EGF: variants seen among roughly 807,000 people sequenced by gnomAD.
EGF encodes the protein epidermal growth factor, also known as pro-epidermal growth factor.
A neutral mutation model predicts 143.8 loss-of-function variants in EGF; 95 were observed. The ratio of observed to expected loss-of-function variants is 0.66; its 90% CI spans 0.56 to 0.78. The LOEUF is 0.78. Among genes scored for constraint, EGF ranks in the 30% least tolerant of loss-of-function variants. EGF has a pLI of 0.00. For synonymous variants in EGF, 510 were observed against 510.5 expected (o/e 1.00, Z 0.01); for missense variants, 1,320 against 1,470.9 (o/e 0.90, Z 1.68).
chr4:109,982,482 C>A (rs547765601), intron 15 of EGF, among the ~76,000 whole-genome samples: 2 of 152,140 alleles, frequency 1.3e-5, no homozygotes, highest in African/African-American at 4.8e-5. Context: ...CGTGCACCAT[C>A]ATGCCCAGCT....
In EGF at chr4:109,918,207, C is replaced by A. The variant is rs889335900; in HGVS notation, c.127+4745C>A. Among the ~76,000 whole-genome samples, 8 of 151,128 alleles carry A rather than the reference C, an allele frequency of 5.3e-5. No homozygotes were observed. In the South Asian group the frequency reaches 1.7e-3, roughly 31 times the overall value. ...GTGAAATGGTAGAATAAACGTTTACCTTTTCTTCACTATAAGCTCTGTTCC... is the reference window on the plus strand; with the variant it reads ...GTGAAATGGTAGAATAAACGTTTACATTTTCTTCACTATAAGCTCTGTTCC... On this transcript the variant is annotated intron_variant, in intron 1 of 23. Coordinates refer to ENST00000265171, the MANE Select transcript of EGF (RefSeq NM_001963.6).
rs796545471 is a variant in EGF, at chr4:110,012,367, GTT to G, written c.*925_*926del. The G allele has an allele frequency of 0.034, 4,779 of 142,614 alleles. 267 individuals carry two copies. The highest frequency in any genetic ancestry group is 0.11 in the African/African-American group (4,425 of 38,914). 8.8% of individuals were successfully genotyped at this position (142,614 alleles called of 1,614,324 possible). On this transcript the variant is annotated 3_prime_UTR_variant, in exon 24 of 24. Transcript: ENST00000265171. ...AAGCTTGCTGATGTTTCTGTTTTTCGTTTTTTTTTTTTTTCCGGAGAGAGGAT... is the reference window on the plus strand; with the variant it reads ...AAGCTTGCTGATGTTTCTGTTTTTCGTTTTTTTTTTTTCCGGAGAGAGGAT...
chr4:109,917,684 G>A (rs1408793184), intron 1 of EGF, among the ~76,000 whole-genome samples: 2 of 152,096 alleles, frequency 1.3e-5, no homozygotes, highest in East Asian at 3.8e-4. Context: ...ACAGTGGCAT[G>A]ATCTTGGCTC....
intron 17 of EGF, 57 bp downstream of exon 17, chr4:109,987,917 T>A: frequency 2.2e-6 from 3 of 1,336,282 alleles, no homozygotes; most frequent in Non-Finnish European, 3.2e-6. Context: ...AAACATTTTT[T>A]CTGCTCTTTC....
At chr4:109,935,724 T>G (rs1175523423) in intron 1 of EGF, among the ~76,000 whole-genome samples, 1 of 152,142 alleles carries the variant, frequency 6.6e-6, no homozygotes, top group African/African-American at 2.4e-5. Context: ...TTGAGATACG[T>G]TCCATCAATA....
chr4:109,921,770 T>C (rs2125937848), intron 1 of EGF, among the ~76,000 whole-genome samples: 1 of 151,732 alleles, frequency 6.6e-6, no homozygotes, highest in East Asian at 1.9e-4. Context: ...GTGTATCAGT[T>C]GAGAAATAGT....
chr4:109,915,298 G>A (rs955537968), intron 1 of EGF, among the ~76,000 whole-genome samples: 6 of 152,068 alleles, frequency 3.9e-5, no homozygotes, highest in Admixed American at 2.0e-4. Flanking sequence ...TAATACCCTC[G>A]CCCACTGCTT....
intron 1 of EGF, among the ~76,000 whole-genome samples, chr4:109,915,194 G>T (rs1299991894): frequency 6.6e-6 from 1 of 152,182 alleles, no homozygotes; most frequent in Admixed American, 6.5e-5. Flanking sequence ...GTCACAGAGT[G>T]GAAGGAACCA....
chr4:109,951,380 A>C (rs1269818432), intron 5 of EGF, among the ~76,000 whole-genome samples: 1 of 151,894 alleles, frequency 6.6e-6, no homozygotes, highest in South Asian at 2.1e-4. Context: ...CCACAAAAAA[A>C]CCAAGTGAAA....
At chr4:109,967,959 G>A (rs1485605551) in intron 10 of EGF, among the ~76,000 whole-genome samples, 1 of 152,132 alleles carries the variant, frequency 6.6e-6, no homozygotes, top group Non-Finnish European at 1.5e-5. Flanking sequence ...AATGAAACTT[G>A]CAGAACTGGA....
chr4:109,988,607 G>A lies in EGF; in HGVS notation c.2632G>A (p.Val878Ile), dbSNP rs1750490689. The A allele has an allele frequency of 6.2e-7, 1 of 1,614,072 alleles. No homozygotes were observed. The highest frequency in any genetic ancestry group is 8.5e-7 in the Non-Finnish European group (1 of 1,179,938). Residue 878 changes from valine (V) to isoleucine (I), a missense_variant, in exon 18 of 24, where the codon GTC (valine) becomes ATC (isoleucine). By Grantham distance (29) the Val-to-Ile change is conservative (BLOSUM62 3). This residue lies in a region of EGF where 1,186 missense variants were observed against 1,313.7 expected (regional missense o/e 0.90). Coordinates refer to ENST00000265171, the MANE Select transcript of EGF (RefSeq NM_001963.6). ...AGATATAGATGAATGTGAGATGGGT[G>A]TCCCAGTGTGCCCCCCTGCCTCCTC... ...CSDIDECEMG[V>I]PVCPPASSKC...
At chr4:109,994,329 C>T (rs1751467727) in intron 19 of EGF, among the ~76,000 whole-genome samples, 1 of 152,090 alleles carries the variant, frequency 6.6e-6, no homozygotes, top group Non-Finnish European at 1.5e-5. Flanking sequence ...TAACGGACTG[C>T]ACATTGATGG....
At chr4:109,972,166 A>ACCTAACCATTTAATCT (rs762384026) in intron 11 of EGF, among the ~76,000 whole-genome samples, 2 of 152,082 alleles carry the variant, frequency 1.3e-5, no homozygotes, top group Non-Finnish European at 1.5e-5. Context: ...TTAGAGAGAG[A>ACCTAACCATTTAATCT]AGGACACACC....
At chr4:109,974,890 A>C in intron 12 of EGF, 83 bp downstream of exon 12, 1 of 1,051,636 alleles carries the variant, frequency 9.5e-7, no homozygotes, top group Admixed American at 1.8e-5. Context: ...CAAAACCAGA[A>C]ACCAAGAAAA....
intron 1 of EGF, among the ~76,000 whole-genome samples, chr4:109,920,483 A>G (rs1398426441): frequency 6.6e-6 from 1 of 151,614 alleles, no homozygotes; most frequent in East Asian, 1.9e-4. Flanking sequence ...CGAGGAGAAG[A>G]GAGGCAGGCC....
chr4:109,982,308 C>T lies in EGF; in HGVS notation c.2372-1114C>T, dbSNP rs1749495884. On this transcript the variant is annotated intron_variant, in intron 15 of 23. Transcript: ENST00000265171. ...ATAGGTGTAAGCTACCCTGCCCAGC[C>T]AATTTTTTTTTCTTTTTCTTTTTCT... 2.0e-5 allele frequency among the ~76,000 whole-genome samples: 3 copies of T among 151,096 alleles called. No homozygotes were observed. In the South Asian group the frequency reaches 6.3e-4, roughly 32 times the overall value.
intron 21 of EGF, chr4:110,001,965 G>A (rs758994956): frequency 4.5e-5 from 44 of 985,242 alleles, no homozygotes; most frequent in Admixed American, 1.8e-4. Context: ...GCATAACTAC[G>A]TTTGCACTAT....
intron 10 of EGF, chr4:109,968,673 C>CATAT (rs1553937942): frequency 1.7e-5 from 6 of 351,160 alleles, no homozygotes; most frequent in Non-Finnish European, 3.2e-5. Context: ...TATCTATATA[C>CATAT]ATCTATCTAT....
At chr4:109,994,697 T>C (rs1175609571) in intron 19 of EGF, 36 bp from the exon 20 acceptor site, 1 of 1,610,912 alleles carries the variant, frequency 6.2e-7, no homozygotes, top group African/African-American at 1.3e-5. Flanking sequence ...CACTAATCCA[T>C]TCAGAAAGTA....
Sources: gnomAD v4.1 joint callset for allele counts (sites outside exome capture counted in the v4.1 genomes callset) on GRCh38, gnomAD v4.1.1 for gene constraint, gnomAD v4.1.1 regional missense constraint, MANE v1.5 for transcripts, NCBI Gene and HGNC (gene_info 2026-07-23, HGNC 2026-07-21) for gene names.